The following IGSF11 variants were observed in gnomAD, a reference collection of about 807,000 sequenced individuals.
IGSF11 encodes CXADR like 1.
IGSF11 carries 22 observed loss-of-function variants against 41.0 expected under a neutral mutation model. That is an observed-to-expected ratio of 0.54 (90% confidence interval 0.38 to 0.77). The LOEUF (loss-of-function observed/expected upper bound fraction) is 0.77. Ranked by LOEUF, IGSF11 falls within the 30% of genes least tolerant of loss-of-function variation. IGSF11 has a pLI of 0.00. For missense variants in IGSF11, 444 were observed against 530.8 expected, an observed-to-expected ratio of 0.84 and a Z score of 1.61; for synonymous variants, 219 against 201.3, an observed-to-expected ratio of 1.09 and a Z score of -0.74.
At chr3:118,954,603 T>C (rs1944817979) in intron 1 of IGSF11, among the ~76,000 whole-genome samples, 1 of 152,164 alleles carries the variant, frequency 6.6e-6, no homozygotes, top group African/African-American at 2.4e-5. Flanking sequence ...AGATTTTCAG[T>C]GGACTTTGCC....
intron 1 of IGSF11, among the ~76,000 whole-genome samples, chr3:119,111,841 T>C (rs917962088): frequency 6.6e-6 from 1 of 152,176 alleles, no homozygotes; most frequent in Non-Finnish European, 1.5e-5. Context: ...ACTGTTGGAG[T>C]TTGCTAGAGG....
chr3:118,957,063 G>A (rs1041087756), intron 1 of IGSF11, among the ~76,000 whole-genome samples: 4 of 152,094 alleles, frequency 2.6e-5, no homozygotes, highest in African/African-American at 9.7e-5. Context: ...AAGCCTGGGT[G>A]TAACTCAGTC....
chr3:119,119,104 G>A (rs2077298358), intron 1 of IGSF11, among the ~76,000 whole-genome samples: 2 of 152,132 alleles, frequency 1.3e-5, no homozygotes, highest in Non-Finnish European at 2.9e-5. Flanking sequence ...ACCTCTGCCT[G>A]TTACCCAGTT....
At chr3:119,054,794 C>A (rs1941758758) in intron 1 of IGSF11, among the ~76,000 whole-genome samples, 1 of 152,178 alleles carries the variant, frequency 6.6e-6, no homozygotes, top group Non-Finnish European at 1.5e-5. Context: ...TGCCCATCAA[C>A]CAATGAGTGG....
At chr3:119,069,222 CT>C (rs1323550204) in intron 1 of IGSF11, among the ~76,000 whole-genome samples, 1 of 152,118 alleles carries the variant, frequency 6.6e-6, no homozygotes, top group East Asian at 1.9e-4. Flanking sequence ...GCCACTGTGC[CT>C]GGCCAACAAT....
At chr3:119,021,649 T>C (rs1939298296) in intron 1 of IGSF11, among the ~76,000 whole-genome samples, 1 of 152,126 alleles carries the variant, frequency 6.6e-6, no homozygotes, top group Non-Finnish European at 1.5e-5. Context: ...TTTTTGTCCT[T>C]ACCCCCGACT....
At chr3:118,929,827 T>C (rs1942687433) in intron 2 of IGSF11, among the ~76,000 whole-genome samples, 1 of 152,202 alleles carries the variant, frequency 6.6e-6, no homozygotes, top group Non-Finnish European at 1.5e-5. Context: ...ATGGTGCCAG[T>C]CCCTTCTGGT....
At chr3:118,916,626 A>G (rs980359508) in intron 4 of IGSF11, among the ~76,000 whole-genome samples, 1 of 151,220 alleles carries the variant, frequency 6.6e-6, no homozygotes, top group Admixed American at 6.6e-5. Context: ...AGTGACCTAC[A>G]AAGAGACTTA....
At chr3:119,088,413 T>C (rs1480114100) in intron 1 of IGSF11, among the ~76,000 whole-genome samples, 1 of 152,142 alleles carries the variant, frequency 6.6e-6, no homozygotes, top group Non-Finnish European at 1.5e-5. Flanking sequence ...ATCTCTGGGA[T>C]GCAGCTAAAG....
At chr3:119,027,188 C>G (rs1253802206) in intron 1 of IGSF11, among the ~76,000 whole-genome samples, 2 of 152,108 alleles carry the variant, frequency 1.3e-5, no homozygotes, top group Non-Finnish European at 2.9e-5. Context: ...AAAAGATCCA[C>G]TCAAAGTACA....
intron 1 of IGSF11, among the ~76,000 whole-genome samples, chr3:118,973,641 G>C (rs1348279221): frequency 6.6e-6 from 1 of 152,166 alleles, no homozygotes; most frequent in Non-Finnish European, 1.5e-5. Flanking sequence ...AGTAATGTAA[G>C]ATCTCTTAAA....
At chr3:118,975,356 C>T (rs1213764735) in intron 1 of IGSF11, among the ~76,000 whole-genome samples, 1 of 125,988 alleles carries the variant, frequency 7.9e-6, no homozygotes, top group Non-Finnish European at 1.6e-5. Flanking sequence ...TGTAGCCCTG[C>T]TGGATTTAAA....
At chr3:118,909,937 T>G (rs148659492) in intron 4 of IGSF11, among the ~76,000 whole-genome samples, 1 of 152,226 alleles carries the variant, frequency 6.6e-6, no homozygotes, top group South Asian at 2.1e-4. Flanking sequence ...TCAGCATTAT[T>G]TGAATAATGT....
intron 1 of IGSF11, among the ~76,000 whole-genome samples, chr3:119,008,405 ACTC>A (rs1008547752): frequency 6.6e-6 from 1 of 152,070 alleles, no homozygotes; most frequent in African/African-American, 2.4e-5. Context: ...TTTTTTCTCT[ACTC>A]CTCTATCTGC....
At position 119,139,145 on chromosome 3, in the gene IGSF11, T is replaced by C. The variant is rs529799991; in HGVS notation, c.-14+6668A>G. ...CATTTAACCCATAGATATATACACC[T>C]ACTATATAACCAAAAAATATATATA... On this transcript the variant is annotated intron_variant, in intron 1 of 7. Coordinates refer to the IGSF11 transcript ENST00000425327. Among the ~76,000 whole-genome samples, 3 of 152,236 alleles carry C rather than the reference T, an allele frequency of 2.0e-5. No individual in the cohort carries two copies. In the South Asian group the frequency reaches 6.2e-4, roughly 32 times the overall value.
intron 1 of IGSF11, among the ~76,000 whole-genome samples, chr3:118,963,697 G>T (rs1037522618): frequency 1.3e-5 from 2 of 152,120 alleles, no homozygotes; most frequent in African/African-American, 4.8e-5. Flanking sequence ...GAAATACTTA[G>T]TTATTGTCTT....
At chr3:119,109,860 T>A (rs1238407703), upstream of IGSF11, among the ~76,000 whole-genome samples, 2 of 152,230 alleles carry the variant, frequency 1.3e-5, no homozygotes, top group African/African-American at 4.8e-5. Flanking sequence ...CAGTAGTCAT[T>A]CAGGAGCAGG....
intron 1 of IGSF11, among the ~76,000 whole-genome samples, chr3:118,998,629 C>T (rs1181827906): frequency 5.3e-5 from 8 of 150,652 alleles, no homozygotes; most frequent in Non-Finnish European, 1.2e-4. Flanking sequence ...TCATATTTTA[C>T]TGTATTTTAA....
Position 119,032,478 on chromosome 3 carries a change from G to A in IGSF11, c.52+2053C>T, listed in dbSNP as rs915884838. On this transcript the variant is annotated intron_variant, in intron 1 of 6. Transcript: ENST00000393775. ...ATCAGTACTTTTTCCATGGCCAGCCGAATAAAGCCCAAACGCAGCATTCAA... is the reference window on the plus strand; with the variant it reads ...ATCAGTACTTTTTCCATGGCCAGCCAAATAAAGCCCAAACGCAGCATTCAA... 2.0e-5 allele frequency among the ~76,000 whole-genome samples: 3 copies of A among 152,222 alleles called. No homozygotes were observed. In the South Asian group the frequency reaches 6.2e-4, roughly 32 times the overall value.
Sources: allele counts gnomAD v4.1 joint callset (sites outside exome capture counted in the v4.1 genomes callset), GRCh38; gene constraint gnomAD v4.1.1; transcripts MANE v1.5; gene names NCBI Gene and HGNC (gene_info 2026-07-23, HGNC 2026-07-21).